PURB: variants seen among roughly 807,000 people sequenced by gnomAD.
PURB encodes the protein transcriptional regulator protein Pur-beta.
A neutral mutation model predicts 21.1 loss-of-function variants in PURB; 11 were observed. The ratio of observed to expected loss-of-function variants is 0.52; its 90% confidence interval spans 0.33 to 0.86. The LOEUF is 0.86. Ranked by LOEUF, PURB falls within the 40% of genes least tolerant of loss-of-function variation. The pLI, the probability that PURB is intolerant of heterozygous loss-of-function variation, is 0.02. For missense variants in PURB, 357 were observed against 456.5 expected (o/e 0.78, Z 1.99); for synonymous variants, 246 against 210.8 (o/e 1.17, Z -1.45).
In PURB at chr7:44,884,311, G is replaced by C; in HGVS notation, c.*99C>G. 1 of 1,524,494 alleles carries C rather than the reference G, an allele frequency of 6.6e-7. No homozygotes were observed. The highest frequency in any genetic ancestry group is 1.3e-5 in the South Asian group (1 of 77,996). 94.4% of individuals were successfully genotyped at this position (1,524,494 alleles called of 1,614,324 possible). On this transcript the variant is annotated 3_prime_UTR_variant, in exon 1 of 1. Coordinates refer to ENST00000395699, the MANE Select transcript of PURB (RefSeq NM_033224.5). Reference sequence around the variant, plus strand: ...GTTTTTTCCCTCTGCGGCCTCCCTTGCTCCCTCTCCACTAGCTCACTGGGG... The same window carrying C: ...GTTTTTTCCCTCTGCGGCCTCCCTTCCTCCCTCTCCACTAGCTCACTGGGG...
At position 44,880,908 on chromosome 7, in the gene PURB, G is replaced by C. The variant is rs1314122471; in HGVS notation, c.*3502C>G. 6.6e-6 allele frequency: 1 copy of C among 152,534 alleles called. No homozygotes were observed. Among genetic ancestry groups the C allele is most frequent in the Non-Finnish European group, 1.5e-5 (1 of 68,004 alleles). The allele number at this position is 152,534 out of a possible 1,614,324, so 9.4% of individuals were successfully genotyped here. A position where few individuals can be genotyped will look rare whatever the true frequency, so the allele number is the denominator to read the frequency against. ...AGTTACATAGGGTGTTTGGGTTTTT[G>C]GTTTGGTTTTCACTTTGATTTTTGG... is the stretch of plus-strand genomic sequence containing the variant. On this transcript the variant is annotated 3_prime_UTR_variant, in exon 1 of 1. Transcript: ENST00000395699.
At position 44,882,989 on chromosome 7, in the gene PURB, G is replaced by A. The variant is rs542949132; in HGVS notation, c.*1421C>T. 1.3e-5 allele frequency: 2 copies of A among 152,348 alleles called. No individual in the cohort carries two copies. The highest frequency in any genetic ancestry group is 2.9e-5 in the Non-Finnish European group (2 of 68,032). The allele number at this position is 152,348 out of a possible 1,614,324, so 9.4% of individuals were successfully genotyped here. A position where few individuals can be genotyped will look rare whatever the true frequency, so the allele number is the denominator to read the frequency against. ...AAGACAGCTGGATTAACTGGCAAAA[G>A]CCAGTTTGTTGAAATTTCAAGATGG... On this transcript the variant is annotated 3_prime_UTR_variant, in exon 1 of 1. Coordinates refer to ENST00000395699, the MANE Select transcript of PURB (RefSeq NM_033224.5).
rs1793872047 is a variant in PURB, at chr7:44,881,235, A to G, written c.*3175T>C. The G allele has an allele frequency of 6.6e-6, 1 of 152,228 alleles. No homozygotes were observed. The highest frequency in any genetic ancestry group is 1.5e-5 in the Non-Finnish European group (1 of 68,030). The allele number at this position is 152,228 out of a possible 1,614,324, so 9.4% of individuals were successfully genotyped here. Reference sequence around the variant, plus strand: ...AGCTGGGATGTTTGCCAAGCTTAAAAAAAAAGGCTCAAAATCATTCATAGC... The same window carrying G: ...AGCTGGGATGTTTGCCAAGCTTAAAGAAAAAGGCTCAAAATCATTCATAGC... On this transcript the variant is annotated 3_prime_UTR_variant, in exon 1 of 1. Transcript: ENST00000395699.
chr7:44,879,593 G>C lies in PURB; in HGVS notation c.*4817C>G, dbSNP rs1692434902. The C allele has an allele frequency of 6.6e-6, 1 of 152,416 alleles. No homozygotes were observed. The highest frequency in any genetic ancestry group is 2.4e-5 in the African/African-American group (1 of 41,370). The allele number at this position is 152,416 out of a possible 1,614,324, so 9.4% of individuals were successfully genotyped here. A position where few individuals can be genotyped will look rare whatever the true frequency, so the allele number is the denominator to read the frequency against. On this transcript the variant is annotated 3_prime_UTR_variant, in exon 1 of 1. Transcript: ENST00000395699. ...CACTTACTATAACTTCAGTGCTGTA[G>C]TTGACAGGAAAGAAAAAGTTACCTT...
In PURB at chr7:44,878,850, A is replaced by G. The variant is rs1401601891; in HGVS notation, c.*5560T>C. ...CCGTCAGTAATAAAACTGAGTTTTA[A>G]GACTGAGGGCTGGGAAAGGAGACTT... On this transcript the variant is annotated 3_prime_UTR_variant, in exon 1 of 1. Coordinates refer to ENST00000395699, the MANE Select transcript of PURB (RefSeq NM_033224.5). 2 of 152,356 alleles carry G rather than the reference A, an allele frequency of 1.3e-5. No homozygotes were observed. The highest frequency in any genetic ancestry group is 2.9e-5 in the Non-Finnish European group (2 of 68,042). 9.4% of individuals were successfully genotyped at this position (152,356 alleles called of 1,614,324 possible).
At position 44,884,779 on chromosome 7, in the gene PURB, T is replaced by A. The variant is rs762547731; in HGVS notation, c.570A>T (p.Ile190=). The part of the protein sequence containing the change: ...IEFRDALAKL[I]DDYGGEDDEL... ...CGTCGTCCTCGCCTCCGTAGTCGTC[T>A]ATGAGCTTCGCCAGCGCGTCGCGGA... Residue 190 remains isoleucine, a synonymous_variant, in exon 1 of 1, where the codon ATA becomes ATT. Transcript: ENST00000395699. 1.4e-5 allele frequency: 22 copies of A among 1,608,714 alleles called. No homozygotes were observed. The East Asian group carries it at 2.9e-4, about 21-fold the overall frequency.
In PURB at chr7:44,878,000, A is replaced by T. The variant is rs1793824142; in HGVS notation, c.*6410T>A. The T allele has an allele frequency of 6.6e-6, 1 of 152,208 alleles. No homozygotes were observed. Among genetic ancestry groups the T allele is most frequent in the African/African-American group, 2.4e-5 (1 of 41,438 alleles). 9.4% of individuals were successfully genotyped at this position (152,208 alleles called of 1,614,324 possible). A position where few individuals can be genotyped will look rare whatever the true frequency, so the allele number is the denominator to read the frequency against. ...CTCCCTGCAGTTATGTCTCTGAAAA[A>T]GGAATTTTACAAGAGAATAAACAAA... On this transcript the variant is annotated 3_prime_UTR_variant, in exon 1 of 1. Transcript: ENST00000395699.
chr7:44,885,273 C>T lies in PURB; in HGVS notation c.76G>A (p.Gly26Ser), dbSNP rs2128692468. 6.5e-7 allele frequency: 1 copy of T among 1,540,960 alleles called. No individual in the cohort carries two copies. Among genetic ancestry groups the T allele is most frequent in the Non-Finnish European group, 8.7e-7 (1 of 1,154,082 alleles). Residue 26 changes from glycine (G) to serine (S), a missense_variant, in exon 1 of 1, where the codon GGC becomes AGC. Gly to Ser is a moderately conservative substitution (Grantham distance 56). Coordinates refer to ENST00000395699, the MANE Select transcript of PURB (RefSeq NM_033224.5). Reference protein sequence around the residue: ...PCGFQPASRGGGEQETQELAS... With the variant: ...PCGFQPASRGSGEQETQELAS... ...AGCTCCTGCGTCTCTTGCTCGCCGC[C>T]GCCGCGGGACGCGGGCTGGAACCCG...
Position 44,885,486 on chromosome 7 carries a change from C to CG in PURB, c.-139_-138insC, listed in dbSNP as rs1793946356. 5.4e-6 allele frequency: 1 copy of CG among 186,730 alleles called. No individual in the cohort carries two copies. The highest frequency in any genetic ancestry group is 2.4e-5 in the African/African-American group (1 of 41,940). 11.6% of individuals were successfully genotyped at this position (186,730 alleles called of 1,614,324 possible). ...CGCTCATCGCCGGCCGCCGCCGCCC[C>CG]CCCATCGCCTCCGCGCCCCGCCCCC... On this transcript the variant is annotated 5_prime_UTR_variant, in exon 1 of 1. The change abolishes the stop of an existing upstream ORF in the 5' untranslated region. Coordinates refer to ENST00000395699, the MANE Select transcript of PURB (RefSeq NM_033224.5).
Position 44,885,000 on chromosome 7 carries a change from G to GCCGCGGC in PURB, c.342_348dup (p.Arg117AlafsTer13). 1 of 1,541,466 alleles carries GCCGCGGC rather than the reference G, an allele frequency of 6.5e-7. No homozygotes were observed. Among genetic ancestry groups the GCCGCGGC allele is most frequent in the Non-Finnish European group, 8.7e-7 (1 of 1,146,118 alleles). On this transcript the variant is annotated frameshift_variant, in exon 1 of 1. Coordinates refer to ENST00000395699, the MANE Select transcript of PURB (RefSeq NM_033224.5). LOFTEE classifies it high-confidence loss of function. ...ACCAAGAATTCGCTCTTGAGCGCGC[G>GCCGCGGC]CCGCGGCCCGCCGCCCTCCTCGGCG...
Position 44,885,048 on chromosome 7 carries a change from T to G in PURB, c.301A>C (p.Ser101Arg). 1.9e-6 allele frequency: 3 copies of G among 1,558,760 alleles called. No individual in the cohort carries two copies. Among genetic ancestry groups the G allele is most frequent in the Non-Finnish European group, 1.7e-6 (2 of 1,155,664 alleles). ...IEHYAQLGPSSPEQLAAGAEE... is the reference protein window; with the variant it reads ...IEHYAQLGPSRPEQLAAGAEE... ...GCGCCAGCCGCCAGCTGCTCGGGGC[T>G]GCTAGGGCCCAGCTGCGCGTAGTGT... The change falls in exon 1 of 1, where the codon AGC (serine) becomes CGC (arginine). Residue 101 changes from serine to arginine, a missense_variant. Ser to Arg is a moderately radical substitution (Grantham distance 110, BLOSUM62 -1). Transcript: ENST00000395699.
At position 44,877,199 on chromosome 7, in the gene PURB, T is replaced by C. The variant is rs138947673; in HGVS notation, c.*7211A>G. ...TAGATACTATGATTGGCAGTGAAGA[T>C]TCCTATAGAACGGAAAGTATGTTAT... is the stretch of plus-strand genomic sequence containing the variant. On this transcript the variant is annotated 3_prime_UTR_variant, in exon 1 of 1. Coordinates refer to ENST00000395699, the MANE Select transcript of PURB (RefSeq NM_033224.5). 2.0e-5 allele frequency: 3 copies of C among 152,714 alleles called. No individual in the cohort carries two copies. Among genetic ancestry groups the C allele is most frequent in the East Asian group, 1.9e-4 (1 of 5,190 alleles). The allele number at this position is 152,714 out of a possible 1,614,324, so 9.5% of individuals were successfully genotyped here. A position where few individuals can be genotyped will look rare whatever the true frequency, so the allele number is the denominator to read the frequency against.
chr7:44,883,673 G>A lies in PURB; in HGVS notation c.*737C>T, dbSNP rs977528067. 1.3e-5 allele frequency: 2 copies of A among 152,534 alleles called. No homozygotes were observed. Among genetic ancestry groups the A allele is most frequent in the Non-Finnish European group, 2.9e-5 (2 of 68,046 alleles). 9.4% of individuals were successfully genotyped at this position (152,534 alleles called of 1,614,324 possible). On this transcript the variant is annotated 3_prime_UTR_variant, in exon 1 of 1. Transcript: ENST00000395699. Reference sequence around the variant, plus strand: ...AGTAACGGATTCTACTCCAAGCATTGCTATCTGAATCCACTGGCATCCTGG... The same window carrying A: ...AGTAACGGATTCTACTCCAAGCATTACTATCTGAATCCACTGGCATCCTGG...
At position 44,881,071 on chromosome 7, in the gene PURB, A is replaced by G. The variant is rs538687137; in HGVS notation, c.*3339T>C. On this transcript the variant is annotated 3_prime_UTR_variant, in exon 1 of 1. Transcript: ENST00000395699. ...GAAGAGTAGTAGGATCTCTTCACAG[A>G]TTTTTATTCTTTTGATTCTGTTCCT... The G allele has an allele frequency of 6.6e-6, 1 of 152,654 alleles. No individual in the cohort carries two copies. Among genetic ancestry groups the G allele is most frequent in the Non-Finnish European group, 1.5e-5 (1 of 68,020 alleles). 9.5% of individuals were successfully genotyped at this position (152,654 alleles called of 1,614,324 possible). A position where few individuals can be genotyped will look rare whatever the true frequency, so the allele number is the denominator to read the frequency against.
At position 44,884,373 on chromosome 7, in the gene PURB, G is replaced by C; in HGVS notation, c.*37C>G. The C allele has an allele frequency of 1.3e-6, 2 of 1,597,800 alleles. No homozygotes were observed. The highest frequency in any genetic ancestry group is 1.7e-6 in the Non-Finnish European group (2 of 1,172,336). ...AGGGAATTCTCTAGCCAAGGGGATG[G>C]TGGTTGGGTGGAGGCCTGTAGGGGA... On this transcript the variant is annotated 3_prime_UTR_variant, in exon 1 of 1. Coordinates refer to ENST00000395699, the MANE Select transcript of PURB (RefSeq NM_033224.5).
rs1405106061 is a variant in PURB at position 44,876,785 on chromosome 7, C to G, written c.*7625G>C. 6.6e-6 allele frequency: 1 copy of G among 152,630 alleles called. No individual in the cohort carries two copies. Among genetic ancestry groups the G allele is most frequent in the Non-Finnish European group, 1.5e-5 (1 of 68,028 alleles). 9.5% of individuals were successfully genotyped at this position (152,630 alleles called of 1,614,324 possible). On this transcript the variant is annotated 3_prime_UTR_variant, in exon 1 of 1. Transcript: ENST00000395699. ...CTTAAAAAAATGAACTTTTTGGTCT[C>G]TCAGCAGATATTCCCAAATTGATCC...
rs1793862740 is a variant in PURB, at chr7:44,880,625, C to G, written c.*3785G>C. ...ATGAGGGCATTATTATAACCAGCCT[C>G]TTTTGCCCACAACCCTGCATCTTCA... is the stretch of plus-strand genomic sequence containing the variant. On this transcript the variant is annotated 3_prime_UTR_variant, in exon 1 of 1. Transcript: ENST00000395699. The G allele has an allele frequency of 6.6e-6, 1 of 152,624 alleles. No homozygotes were observed. The highest frequency in any genetic ancestry group is 1.5e-5 in the Non-Finnish European group (1 of 68,044). 9.5% of individuals were successfully genotyped at this position (152,624 alleles called of 1,614,324 possible). A position where few individuals can be genotyped will look rare whatever the true frequency, so the allele number is the denominator to read the frequency against.
rs1341753132 is a variant in PURB, at chr7:44,881,717, A to G, written c.*2693T>C. On this transcript the variant is annotated 3_prime_UTR_variant, in exon 1 of 1. Transcript: ENST00000395699. The stretch of plus-strand genomic sequence containing the variant: ...CTGTTACATGGTCTAATGACTAAGA[A>G]AATTTCTCTGGTAACCAAAGCTGAT... The G allele has an allele frequency of 6.5e-6, 1 of 154,214 alleles. No individual in the cohort carries two copies. Among genetic ancestry groups the G allele is most frequent in the African/African-American group, 2.4e-5 (1 of 41,508 alleles). 9.6% of individuals were successfully genotyped at this position (154,214 alleles called of 1,614,324 possible).
In PURB at chr7:44,881,788, C is replaced by A. The variant is rs112908972; in HGVS notation, c.*2622G>T. ...TGGCATATACTCTATATGCCTCAGA[C>A]CACTTCCACATTCTTTCTATTCAGC... On this transcript the variant is annotated 3_prime_UTR_variant, in exon 1 of 1. Transcript: ENST00000395699. 1,162 of 154,836 alleles carry A rather than the reference C, an allele frequency of 7.5e-3. 9 individuals carry two copies. Among genetic ancestry groups the A allele is most frequent in the Non-Finnish European group, 9.3e-3 (634 of 68,204 alleles). 9.6% of individuals were successfully genotyped at this position (154,836 alleles called of 1,614,324 possible). A position where few individuals can be genotyped will look rare whatever the true frequency, so the allele number is the denominator to read the frequency against.
Sources: allele counts gnomAD v4.1 joint callset, GRCh38; gene constraint gnomAD v4.1.1; transcripts MANE v1.5; gene names NCBI Gene and HGNC (gene_info 2026-07-23, HGNC 2026-07-21).